The following MACROD2 variants were observed in gnomAD, a reference collection of about 807,000 sequenced individuals.
MACROD2 encodes the protein mono-ADP ribosylhydrolase 2, also known as ADP-ribose glycohydrolase MACROD2.
Under a neutral mutation model 70.4 loss-of-function variants are expected in MACROD2, and 36 were observed. The ratio of observed to expected loss-of-function variants is 0.51; its 90% CI spans 0.39 to 0.68. MACROD2 has a LOEUF of 0.68. Among genes scored for constraint, MACROD2 ranks in the 30% least tolerant of loss-of-function variants. The probability of loss-of-function intolerance (pLI) is 0.00; values close to 1 mark genes in which losing one functional copy is unlikely to be tolerated. For synonymous variants in MACROD2, 172 were observed against 178.8 expected (o/e 0.96, Z 0.30); for missense variants, 496 against 538.4 (o/e 0.92, Z 0.78).
rs115629602 is a variant in MACROD2 at position 15,334,701 on chromosome 20, C to T, written c.541-96704C>T. Among the ~76,000 whole-genome samples the T allele has an allele frequency of 9.1e-3, 1,375 of 151,658 alleles. 72 individuals are homozygous for T. The highest frequency in any genetic ancestry group is 0.032 in the African/African-American group (1,312 of 41,066). ...GGCACCATGGAAAGTCTCATATATA[C>T]ATATCTATATTTATTTACAAATAGA... On this transcript the variant is annotated intron_variant, in intron 6 of 17. Coordinates refer to ENST00000684519, the MANE Select transcript of MACROD2 (RefSeq NM_001351661.2).
intron 5 of MACROD2, among the ~76,000 whole-genome samples, chr20:15,172,560 G>GT (rs978333572): frequency 3.4e-4 from 52 of 150,846 alleles, no homozygotes; most frequent in Non-Finnish European, 4.9e-4. Flanking sequence ...CTACTGTTTT[G>GT]TTTTTTTTTC....
intron 3 of MACROD2, among the ~76,000 whole-genome samples, chr20:14,345,795 A>G (rs1189016825): frequency 6.6e-6 from 1 of 152,056 alleles, no homozygotes; most frequent in Non-Finnish European, 1.5e-5. Flanking sequence ...GTAGGAAGGA[A>G]ATAACTTTAG....
intron 5 of MACROD2, among the ~76,000 whole-genome samples, chr20:15,166,133 A>G (rs2076382146): frequency 1.3e-5 from 2 of 152,136 alleles, no homozygotes; most frequent in Non-Finnish European, 2.9e-5. Context: ...ATCTTTCTGG[A>G]GTGATAAAAT....
intron 4 of MACROD2, among the ~76,000 whole-genome samples, chr20:14,652,034 T>C (rs1985704253): frequency 1.3e-5 from 2 of 152,188 alleles, no homozygotes; most frequent in South Asian, 4.1e-4. Context: ...ATAATAACTC[T>C]GGTTATTTGA....
intron 4 of MACROD2, among the ~76,000 whole-genome samples, chr20:14,625,275 C>A (rs1405407931): frequency 1.3e-5 from 2 of 151,766 alleles, no homozygotes; most frequent in African/African-American, 4.8e-5. Context: ...TGCAGTGAGT[C>A]GAGATCGTGC....
intron 5 of MACROD2, among the ~76,000 whole-genome samples, chr20:15,219,664 C>G (rs6034128): frequency 6.6e-6 from 1 of 152,058 alleles, no homozygotes; most frequent in African/African-American, 2.4e-5. Context: ...GACGTAGAGC[C>G]TAGGTTTAGT....
chr20:15,750,655 A>G (rs117487692), intron 8 of MACROD2, among the ~76,000 whole-genome samples: 2,163 of 152,172 alleles, frequency 0.014, 47 homozygotes, highest in East Asian at 0.11. Flanking sequence ...TTGAAGAAAT[A>G]TCTACATTCC....
chr20:14,278,916 C>T (rs1311730047), intron 3 of MACROD2, among the ~76,000 whole-genome samples: 1 of 152,044 alleles, frequency 6.6e-6, no homozygotes, highest in Non-Finnish European at 1.5e-5. Flanking sequence ...GAAATGTAAG[C>T]AAGAATCTAT....
intron 5 of MACROD2, among the ~76,000 whole-genome samples, chr20:15,091,308 A>G (rs540520827): frequency 2.0e-5 from 3 of 152,144 alleles, no homozygotes; most frequent in Admixed American, 6.6e-5. Flanking sequence ...AGATGGGGAT[A>G]TGTATACAAA....
At chr20:15,957,633 G>A (rs1362196266) in intron 12 of MACROD2, among the ~76,000 whole-genome samples, 1 of 152,136 alleles carries the variant, frequency 6.6e-6, no homozygotes, top group African/African-American at 2.4e-5. Context: ...TCACAAGTGG[G>A]ATCCTTCCAA....
At chr20:14,647,440 C>T (rs1337905400) in intron 4 of MACROD2, among the ~76,000 whole-genome samples, 1 of 152,056 alleles carries the variant, frequency 6.6e-6, no homozygotes, top group Non-Finnish European at 1.5e-5. Context: ...AAAGAGATAA[C>T]ATTTTGTTTC....
At chr20:15,352,944 T>A (rs1230273272) in intron 6 of MACROD2, among the ~76,000 whole-genome samples, 1 of 151,628 alleles carries the variant, frequency 6.6e-6, no homozygotes. Flanking sequence ...AATTTATAGA[T>A]TCAATGCCAT....
chr20:15,119,574 GA>G (rs1201191234), intron 5 of MACROD2, among the ~76,000 whole-genome samples: 2 of 152,122 alleles, frequency 1.3e-5, no homozygotes, highest in African/African-American at 4.8e-5. Flanking sequence ...AAAAAAGAAA[GA>G]AAAAAGATTA....
intron 6 of MACROD2, among the ~76,000 whole-genome samples, chr20:15,419,740 C>G (rs991540606): frequency 6.6e-6 from 1 of 152,196 alleles, no homozygotes; most frequent in Admixed American, 6.5e-5. Flanking sequence ...AAGGGCGTCC[C>G]CCTGCACTTC....
At chr20:15,487,501 T>G (rs8126259) in intron 7 of MACROD2, among the ~76,000 whole-genome samples, 3,389 of 152,328 alleles carry the variant, frequency 0.022, 126 homozygotes, top group African/African-American at 0.076. Context: ...ATCTTAGTCC[T>G]TCAAATTCTT....
intron 15 of MACROD2, among the ~76,000 whole-genome samples, chr20:15,995,155 T>C (rs1322961216): frequency 1.3e-5 from 2 of 152,084 alleles, no homozygotes; most frequent in Admixed American, 6.5e-5. Flanking sequence ...CTACTGCACA[T>C]TGTATAACTA....
chr20:15,327,315 G>A (rs1211472729), intron 6 of MACROD2, among the ~76,000 whole-genome samples: 1 of 152,122 alleles, frequency 6.6e-6, no homozygotes, highest in African/African-American at 2.4e-5. Context: ...ATGGTCACGT[G>A]ACTTCACAAA....
chr20:15,450,630 T>C (rs571520407), intron 7 of MACROD2, among the ~76,000 whole-genome samples: 2 of 152,272 alleles, frequency 1.3e-5, no homozygotes, highest in Admixed American at 6.5e-5. Context: ...TTTAGGACTT[T>C]ATGACTTTCT....
chr20:14,269,391 A>G (rs1377969402), intron 3 of MACROD2, among the ~76,000 whole-genome samples: 1 of 152,156 alleles, frequency 6.6e-6, no homozygotes. Context: ...CTGAAGTTTT[A>G]TTTGCTTTGC....
Sources: allele counts gnomAD v4.1 joint callset (sites outside exome capture counted in the v4.1 genomes callset), GRCh38; gene constraint gnomAD v4.1.1; transcripts MANE v1.5; gene names NCBI Gene and HGNC (gene_info 2026-07-23, HGNC 2026-07-21).